The following PRR16 variants were observed in gnomAD, a reference collection of about 807,000 sequenced individuals.
PRR16 encodes the protein proline rich 16, also known as protein Largen.
A neutral mutation model predicts 18.2 loss-of-function variants in PRR16; 6 were observed. The ratio of observed to expected loss-of-function variants is 0.33; its 90% CI spans 0.18 to 0.65. The LOEUF (loss-of-function observed/expected upper bound fraction) is 0.65. PRR16 is among the 30% of genes least tolerant of loss of function. The pLI is 0.74. For synonymous variants in PRR16, 151 were observed against 147.8 expected (o/e 1.02, Z -0.16); for missense variants, 412 against 376.6 (o/e 1.09, Z -0.78).
At chr5:120,707,436 T>A in the PRR16 span, among the ~76,000 whole-genome samples, 2 of 152,174 alleles carry the variant, frequency 1.3e-5, no homozygotes, top group African/African-American at 4.8e-5. Context: ...CTAGATACTT[T>A]TGGAGAAACA....
At position 120,518,668 on chromosome 5, in the gene PRR16, C is replaced by T. The variant is rs114524893; in HGVS notation, c.159+54023C>T. Reference sequence around the variant, plus strand: ...ACATGTGGCCTTCTACAATAAACATCACATTTCCAACCCCCTTTGTAGTAT... The same window carrying T: ...ACATGTGGCCTTCTACAATAAACATTACATTTCCAACCCCCTTTGTAGTAT... On this transcript the variant is annotated intron_variant, in intron 1 of 1. Transcript: ENST00000407149. 1.3e-3 allele frequency among the ~76,000 whole-genome samples: 192 copies of T among 151,990 alleles called. 1 individual carries two copies. Among genetic ancestry groups the T allele is most frequent in the African/African-American group, 4.4e-3 (182 of 41,466 alleles).
At chr5:120,700,725 A>G in the PRR16 span, among the ~76,000 whole-genome samples, 4 of 152,104 alleles carry the variant, frequency 2.6e-5, no homozygotes, top group African/African-American at 9.7e-5. Flanking sequence ...AAAAGAAAGT[A>G]ATGTGGAGTG....
the PRR16 span, among the ~76,000 whole-genome samples, chr5:120,725,576 C>G: frequency 6.6e-6 from 1 of 151,936 alleles, no homozygotes; most frequent in Non-Finnish European, 1.5e-5. Flanking sequence ...GCTTGGAAAA[C>G]TGAGGCAGAA....
chr5:120,708,400 T>C, the PRR16 span, among the ~76,000 whole-genome samples: 1 of 152,204 alleles, frequency 6.6e-6, no homozygotes, highest in Non-Finnish European at 1.5e-5. Flanking sequence ...TGGTGATTAG[T>C]TGCTTTTATC....
chr5:120,564,059 A>T (rs1466596358), intron 1 of PRR16, among the ~76,000 whole-genome samples: 1 of 151,784 alleles, frequency 6.6e-6, no homozygotes, highest in Admixed American at 6.6e-5. Flanking sequence ...GAGCTAGGGC[A>T]TGGAATAGGA....
chr5:120,776,545 GTTA>G, the PRR16 span, among the ~76,000 whole-genome samples: 112 of 152,208 alleles, frequency 7.4e-4, no homozygotes, highest in East Asian at 0.02. Flanking sequence ...CTAAATGACT[GTTA>G]TTAAGAGCAT....
At position 120,489,574 on chromosome 5, in the gene PRR16, A is replaced by G. The variant is rs556231803; in HGVS notation, c.159+24929A>G. Among the ~76,000 whole-genome samples, 30 of 152,250 alleles carry G rather than the reference A, an allele frequency of 2.0e-4. No individual in the cohort carries two copies. In the Middle Eastern group the frequency reaches 0.01, roughly 52 times the overall value. On this transcript the variant is annotated intron_variant, in intron 1 of 1. Transcript: ENST00000407149. ...TGCACGTGAGATGGGTTTCCTGAAT[A>G]CAGCACACTGATGGGTCTTGACTCT...
At chr5:120,592,631 T>C (rs1753672378) in intron 1 of PRR16, among the ~76,000 whole-genome samples, 1 of 152,156 alleles carries the variant, frequency 6.6e-6, no homozygotes, top group Non-Finnish European at 1.5e-5. Flanking sequence ...TTTGTCTTTG[T>C]TGCCCATTGT....
intron 1 of PRR16, among the ~76,000 whole-genome samples, chr5:120,664,323 C>A (rs1011437730): frequency 6.6e-6 from 1 of 151,466 alleles, no homozygotes; most frequent in Non-Finnish European, 1.5e-5. Context: ...CAAAACAAAA[C>A]AAAATGTACA....
At chr5:120,788,112 C>T in the PRR16 span, among the ~76,000 whole-genome samples, 2 of 151,908 alleles carry the variant, frequency 1.3e-5, no homozygotes. Context: ...AGGCTCACTA[C>T]CGCCGTGTTC....
intron 1 of PRR16, among the ~76,000 whole-genome samples, chr5:120,609,970 C>T (rs1390874533): frequency 6.6e-6 from 1 of 152,192 alleles, no homozygotes; most frequent in Non-Finnish European, 1.5e-5. Flanking sequence ...GCTCTGCCTA[C>T]ATTTCATAAA....
chr5:120,526,717 A>T (rs1355911673), intron 1 of PRR16, among the ~76,000 whole-genome samples: 1 of 152,190 alleles, frequency 6.6e-6, no homozygotes, highest in Admixed American at 6.5e-5. Flanking sequence ...GAAAAATCAT[A>T]GCAAAGTAAA....
the PRR16 span, among the ~76,000 whole-genome samples, chr5:120,719,580 A>G: frequency 2.0e-5 from 3 of 152,054 alleles, no homozygotes; most frequent in East Asian, 1.9e-4. Flanking sequence ...CCATTTTTGA[A>G]TAGTACGATG....
At chr5:120,492,786 C>A (rs1280238778) in intron 1 of PRR16, among the ~76,000 whole-genome samples, 2 of 152,098 alleles carry the variant, frequency 1.3e-5, no homozygotes, top group Middle Eastern at 3.2e-3. Flanking sequence ...GCTTAGATCC[C>A]AGTTATAAGT....
the PRR16 span, among the ~76,000 whole-genome samples, chr5:120,705,416 G>A: frequency 6.6e-6 from 1 of 151,930 alleles, no homozygotes; most frequent in South Asian, 2.1e-4. Flanking sequence ...TTCCACATGT[G>A]CTTTTAAAAA....
intron 1 of PRR16, among the ~76,000 whole-genome samples, chr5:120,639,583 C>T (rs1755354155): frequency 1.3e-5 from 2 of 151,852 alleles, no homozygotes; most frequent in African/African-American, 4.8e-5. Flanking sequence ...TGCAGAACCA[C>T]AATGAGATAC....
chr5:120,631,073 A>G (rs1039984254), intron 1 of PRR16, among the ~76,000 whole-genome samples: 1 of 152,188 alleles, frequency 6.6e-6, no homozygotes, highest in Non-Finnish European at 1.5e-5. Flanking sequence ...TGACAATAAA[A>G]TAAATTGATA....
At chr5:120,729,529 T>C in the PRR16 span, among the ~76,000 whole-genome samples, 8 of 152,168 alleles carry the variant, frequency 5.3e-5, no homozygotes, top group African/African-American at 1.9e-4. Flanking sequence ...TGAGCAGTCC[T>C]TCATTTACTA....
intron 1 of PRR16, among the ~76,000 whole-genome samples, chr5:120,645,266 A>C (rs1036045392): frequency 6.6e-5 from 10 of 151,884 alleles, no homozygotes; most frequent in African/African-American, 2.4e-4. Context: ...AACATATTGT[A>C]ATGGAGCTGA....
Sources: gnomAD v4.1 joint callset for allele counts (sites outside exome capture counted in the v4.1 genomes callset) on GRCh38, gnomAD v4.1.1 for gene constraint, MANE v1.5 for transcripts, NCBI Gene and HGNC (gene_info 2026-07-23, HGNC 2026-07-21) for gene names.